The following SSH2 variants were observed in gnomAD, a reference collection of about 807,000 sequenced individuals.
SSH2 encodes protein phosphatase Slingshot homolog 2.
In SSH2, 37 loss-of-function variants were observed where a neutral mutation model predicts 135.2. The ratio of observed to expected loss-of-function variants is 0.27; its 90% CI spans 0.21 to 0.36. The LOEUF is 0.36. Among genes scored for constraint, SSH2 ranks in the 10% least tolerant of loss-of-function variants. The pLI, the probability that SSH2 is intolerant of heterozygous loss-of-function variation, is 1.00. For synonymous variants in SSH2, 628 were observed against 646.2 expected (o/e 0.97, Z 0.43); for missense variants, 1,408 against 1,765.3 (o/e 0.80, Z 3.63).
intron 3 of SSH2, among the ~76,000 whole-genome samples, chr17:29,767,664 T>G (rs556196849): frequency 6.6e-6 from 1 of 152,006 alleles, no homozygotes; most frequent in East Asian, 1.9e-4. Flanking sequence ...ATTATACATA[T>G]TATTCTACTT....
chr17:29,712,825 T>C (rs2151150273), intron 3 of SSH2, among the ~76,000 whole-genome samples: 1 of 151,848 alleles, frequency 6.6e-6, no homozygotes, highest in South Asian at 2.1e-4. Context: ...AACAAAACAT[T>C]TATGAGCTTG....
intron 15 of SSH2, among the ~76,000 whole-genome samples, chr17:29,635,600 G>T (rs745306319): frequency 3.9e-5 from 6 of 151,928 alleles, no homozygotes; most frequent in Non-Finnish European, 5.9e-5. Context: ...AGTAGAGACG[G>T]GGTTTCACCG....
chr17:29,663,826 A>C (rs2037155089), intron 11 of SSH2, among the ~76,000 whole-genome samples: 1 of 152,218 alleles, frequency 6.6e-6, no homozygotes, highest in East Asian at 1.9e-4. Context: ...TAAACTATGG[A>C]CTTTAGTTTA....
At position 29,677,764 on chromosome 17, in the gene SSH2, A is replaced by G. The variant is rs778164359; in HGVS notation, c.480-23T>C. 5 of 1,595,744 alleles carry G rather than the reference A, an allele frequency of 3.1e-6. No individual in the cohort carries two copies. In the African/African-American group the frequency reaches 4.0e-5, roughly 13 times the overall value. The stretch of plus-strand genomic sequence containing the variant: ...CTACTGCAAGACAAGAAGTAGTCCA[A>G]TAGTTACTCCCCATTACTCTGGGAA... On this transcript the variant is annotated intron_variant, in intron 6 of 15. Coordinates refer to ENST00000540801, the MANE Select transcript of SSH2 (RefSeq NM_001282129.2).
intron 1 of SSH2, among the ~76,000 whole-genome samples, chr17:29,896,347 A>G (rs201523755): frequency 8.0e-6 from 1 of 125,394 alleles, no homozygotes; most frequent in East Asian, 2.3e-4. Flanking sequence ...TGTATTTTAT[A>G]TACACATTTC....
intron 15 of SSH2, among the ~76,000 whole-genome samples, chr17:29,633,762 A>AG (rs2035783850): frequency 1.3e-5 from 2 of 152,258 alleles, no homozygotes; most frequent in Non-Finnish European, 2.9e-5. Context: ...TGTAAAAAAA[A>AG]CAAAAGAATA....
intron 1 of SSH2, among the ~76,000 whole-genome samples, chr17:29,876,608 C>A (rs2066034978): frequency 1.3e-5 from 2 of 151,338 alleles, no homozygotes; most frequent in Non-Finnish European, 2.9e-5. Flanking sequence ...ACCTCAAGAA[C>A]ATACATTGGG....
At chr17:29,715,831 G>A (rs1414116532) in intron 3 of SSH2, among the ~76,000 whole-genome samples, 2 of 152,134 alleles carry the variant, frequency 1.3e-5, no homozygotes, top group African/African-American at 4.8e-5. Context: ...TCAGTGCAAG[G>A]ATATCAGAGA....
intron 3 of SSH2, among the ~76,000 whole-genome samples, chr17:29,703,496 C>T (rs151001321): frequency 7.6e-4 from 116 of 152,302 alleles, no homozygotes; most frequent in African/African-American, 2.6e-3. Context: ...ATCCGCCCAC[C>T]TCGGCCTCCC....
intron 2 of SSH2, among the ~76,000 whole-genome samples, chr17:29,804,668 T>TTTG (rs200477244): frequency 6.6e-6 from 1 of 152,100 alleles, no homozygotes; most frequent in Non-Finnish European, 1.5e-5. Flanking sequence ...GCAACAAGTC[T>TTTG]TTGTTGTTGT....
intron 2 of SSH2, among the ~76,000 whole-genome samples, chr17:29,798,393 G>A (rs2042194887): frequency 6.6e-6 from 1 of 151,958 alleles, no homozygotes; most frequent in Non-Finnish European, 1.5e-5. Context: ...TCCTGACCTC[G>A]TGATCTGCCC....
At chr17:29,645,412 T>A (rs937623795) in intron 14 of SSH2, 9 of 152,148 alleles carry the variant, frequency 5.9e-5, no homozygotes, top group Non-Finnish European at 1.0e-4. Flanking sequence ...AAAAGGTGAT[T>A]TTGGGTTTAT....
intron 3 of SSH2, among the ~76,000 whole-genome samples, chr17:29,710,333 A>G (rs2039388501): frequency 6.6e-6 from 1 of 152,236 alleles, no homozygotes; most frequent in East Asian, 1.9e-4. Flanking sequence ...AGTTGGTTTG[A>G]TATTTCTGCT....
chr17:29,687,750 G>A (rs1221664396), intron 5 of SSH2, among the ~76,000 whole-genome samples: 7 of 152,122 alleles, frequency 4.6e-5, no homozygotes, highest in East Asian at 1.9e-4. Context: ...ATGTGTTAGA[G>A]GCTCTTTTAT....
chr17:29,675,063 A>T (rs2037649653), intron 8 of SSH2, among the ~76,000 whole-genome samples: 1 of 152,214 alleles, frequency 6.6e-6, no homozygotes, highest in Non-Finnish European at 1.5e-5. Context: ...GTTACTTAGG[A>T]ATAGATAAGT....
chr17:29,633,276 T>C (rs531676689), intron 15 of SSH2, among the ~76,000 whole-genome samples: 1 of 152,340 alleles, frequency 6.6e-6, no homozygotes, highest in East Asian at 1.9e-4. Flanking sequence ...ACTATGAGCC[T>C]CCAGGTTCAG....
chr17:29,731,323 A>T (rs1400640290), intron 3 of SSH2, among the ~76,000 whole-genome samples: 1 of 152,100 alleles, frequency 6.6e-6, no homozygotes, highest in African/African-American at 2.4e-5. Flanking sequence ...ATCACTGGGG[A>T]CCTTAAAAGC....
chr17:29,868,763 C>T (rs2151419119), intron 1 of SSH2, among the ~76,000 whole-genome samples: 1 of 150,866 alleles, frequency 6.6e-6, no homozygotes, highest in South Asian at 2.1e-4. Context: ...AACTCAGTTC[C>T]CACCAGGAAA....
intron 4 of SSH2, among the ~76,000 whole-genome samples, chr17:29,696,671 A>AAGTG (rs2038768758): frequency 7.6e-6 from 1 of 131,134 alleles, no homozygotes; most frequent in African/African-American, 3.2e-5. Flanking sequence ...ATATATACGT[A>AAGTG]CGTGTGTGTG....
Sources: gnomAD v4.1 joint callset for allele counts (sites outside exome capture counted in the v4.1 genomes callset) on GRCh38, gnomAD v4.1.1 for gene constraint, MANE v1.5 for transcripts, NCBI Gene and HGNC (gene_info 2026-07-23, HGNC 2026-07-21) for gene names.